RYR2: variants seen among roughly 807,000 people sequenced by gnomAD.
RYR2 encodes the protein cardiac muscle ryanodine receptor-calcium release channel.
RYR2 carries 227 observed loss-of-function variants against 601.1 expected under a neutral mutation model. That is an observed-to-expected ratio of 0.38 (90% CI 0.34 to 0.42). The LOEUF (loss-of-function observed/expected upper bound fraction) is 0.42, where lower values mean the gene tolerates loss of function less well. Ranked by LOEUF, RYR2 falls within the 10% of genes least tolerant of loss-of-function variation. RYR2 has a pLI of 1.00. For synonymous variants in RYR2, 2,223 were observed against 2,175.1 expected, an observed-to-expected ratio of 1.02 and a Z score of -0.61; for missense variants, 4,646 against 6,156.5, an observed-to-expected ratio of 0.75 and a Z score of 8.21.
At chr1:237,783,541 T>C in intron 89 of RYR2, 134 bp from the exon 90 acceptor site, 1 of 606,094 alleles carries the variant, frequency 1.6e-6, no homozygotes, top group Non-Finnish European at 2.9e-6. Flanking sequence ...TAAATAATTA[T>C]CTTTTTATAG....
intron 1 of RYR2, among the ~76,000 whole-genome samples, chr1:237,135,531 AAT>A (rs1491392875): frequency 9.1e-5 from 5 of 55,136 alleles, no homozygotes; most frequent in Non-Finnish European, 1.5e-4. Flanking sequence ...CACCACACCT[AAT>A]TTTTTTTTTT....
chr1:237,608,311 A>T (rs190217405), intron 35 of RYR2, among the ~76,000 whole-genome samples: 13 of 152,322 alleles, frequency 8.5e-5, no homozygotes, highest in Admixed American at 5.9e-4. Flanking sequence ...CTAACAGCGG[A>T]TGCCGTAGAT....
chr1:237,313,240 T>G (rs1349623877), intron 2 of RYR2, among the ~76,000 whole-genome samples: 1 of 150,886 alleles, frequency 6.6e-6, no homozygotes, highest in Admixed American at 6.6e-5. Context: ...TGTCGTAGGC[T>G]GAATTATCCT....
At chr1:237,450,614 A>C (rs537997457) in intron 14 of RYR2, among the ~76,000 whole-genome samples, 1 of 152,086 alleles carries the variant, frequency 6.6e-6, no homozygotes, top group Admixed American at 6.6e-5. Context: ...TGTAACTCAC[A>C]TCTAGTTGAC....
intron 16 of RYR2, among the ~76,000 whole-genome samples, chr1:237,460,764 G>C (rs977358891): frequency 9.9e-5 from 15 of 152,054 alleles, no homozygotes; most frequent in African/African-American, 3.1e-4. Context: ...ATAGCAAGTG[G>C]CATCTATTGT....
chr1:237,044,185 GTTT>G (rs4006365), intron 1 of RYR2, among the ~76,000 whole-genome samples: 4,082 of 150,438 alleles, frequency 0.027, 205 homozygotes, highest in East Asian at 0.23. Context: ...GACTATAAGG[GTTT>G]TTTTTTTTTT....
At chr1:237,607,306 C>T (rs528004467) in intron 35 of RYR2, among the ~76,000 whole-genome samples, 3 of 152,124 alleles carry the variant, frequency 2.0e-5, no homozygotes, top group Admixed American at 2.0e-4. Context: ...CCACAATTCT[C>T]AGCAAACTAT....
chr1:237,051,905 G>C (rs1480690275), intron 1 of RYR2, among the ~76,000 whole-genome samples: 1 of 152,086 alleles, frequency 6.6e-6, no homozygotes, highest in Non-Finnish European at 1.5e-5. Context: ...GGGAAACTTG[G>C]TGCCCTGCTT....
chr1:237,683,009 A>T (rs979116123), intron 62 of RYR2, among the ~76,000 whole-genome samples: 1 of 152,224 alleles, frequency 6.6e-6, no homozygotes, highest in Non-Finnish European at 1.5e-5. Context: ...GATGGAGATG[A>T]GTATAATACT....
chr1:237,118,023 GGC>G (rs1670332632), intron 1 of RYR2, among the ~76,000 whole-genome samples: 1 of 152,188 alleles, frequency 6.6e-6, no homozygotes, highest in African/African-American at 2.4e-5. Context: ...TGGGATTACA[GGC>G]GTGAGCCACT....
chr1:237,290,895 G>GA (rs1333572001), intron 2 of RYR2, among the ~76,000 whole-genome samples: 2 of 152,144 alleles, frequency 1.3e-5, no homozygotes, highest in Admixed American at 1.3e-4. Flanking sequence ...AAAAGATGTT[G>GA]AAGATTATTA....
intron 3 of RYR2, among the ~76,000 whole-genome samples, chr1:237,332,085 C>T (rs1696800439): frequency 6.6e-6 from 1 of 151,854 alleles, no homozygotes; most frequent in East Asian, 1.9e-4. Flanking sequence ...TTTTATTTTG[C>T]CATTATTGAT....
At chr1:237,389,847 A>T (rs1702235969) in intron 10 of RYR2, among the ~76,000 whole-genome samples, 1 of 152,160 alleles carries the variant, frequency 6.6e-6, no homozygotes, top group Non-Finnish European at 1.5e-5. Context: ...GCAAATTCTA[A>T]GTGTAAGGGG....
intron 24 of RYR2, among the ~76,000 whole-genome samples, chr1:237,522,723 C>T (rs1056685702): frequency 1.3e-5 from 2 of 152,082 alleles, no homozygotes; most frequent in African/African-American, 4.8e-5. Flanking sequence ...TTTTACATAC[C>T]AAATGCCTAC....
intron 1 of RYR2, among the ~76,000 whole-genome samples, chr1:237,269,004 A>G (rs922866054): frequency 6.6e-5 from 10 of 150,576 alleles, no homozygotes; most frequent in African/African-American, 2.4e-4. Flanking sequence ...TTTTAAATAC[A>G]AATTAGAGTG....
At position 237,784,152 on chromosome 1, in the gene RYR2, G is replaced by A. The variant is rs1695358262; in HGVS notation, c.12440G>A (p.Arg4147Lys). The A allele has an allele frequency of 6.2e-7, 1 of 1,613,862 alleles. No homozygotes were observed. The highest frequency in any genetic ancestry group is 1.7e-5 in the Admixed American group (1 of 59,992). ...ATGGGAAGCGCCAAACGCATCGAGAGGGTCTATTTTGAAATCAGTGAGTCC... is the reference window on the plus strand; with the variant it reads ...ATGGGAAGCGCCAAACGCATCGAGAAGGTCTATTTTGAAATCAGTGAGTCC... The part of the protein sequence containing the change: ...EIMGSAKRIE[R>K]VYFEISESSR... Residue 4147 changes from arginine (R) to lysine (K), a missense_variant, in exon 90 of 105, where the codon AGG becomes AAG. Around this residue, in one of 17 missense-constraint regions of RYR2, gnomAD observed 70 missense variants for 164.6 expected, o/e 0.43. Coordinates refer to ENST00000366574, the MANE Select transcript of RYR2 (RefSeq NM_001035.3). The surrounding 1 kb of genome is among the most constrained non-coding windows in gnomAD (Gnocchi z 7.1).
chr1:237,605,692 T>G (rs1048851929), intron 35 of RYR2, among the ~76,000 whole-genome samples: 1 of 151,908 alleles, frequency 6.6e-6, no homozygotes, highest in African/African-American at 2.4e-5. Flanking sequence ...CAAAATCTCC[T>G]TAAGCTGATA....
intron 79 of RYR2, among the ~76,000 whole-genome samples, chr1:237,735,921 T>G (rs1691101190): frequency 6.6e-6 from 1 of 152,198 alleles, no homozygotes; most frequent in Non-Finnish European, 1.5e-5. Context: ...ACTCCATGGA[T>G]TCAGAACCAA....
chr1:237,321,224 T>C (rs1320570148), intron 2 of RYR2, among the ~76,000 whole-genome samples: 1 of 135,758 alleles, frequency 7.4e-6, no homozygotes, highest in Non-Finnish European at 1.7e-5. Context: ...AAGAGGACCC[T>C]TAAAAAGTGA....
Sources: allele counts gnomAD v4.1 joint callset (sites outside exome capture counted in the v4.1 genomes callset), GRCh38; gene constraint gnomAD v4.1.1; regional missense constraint gnomAD v4.1.1; non-coding constraint Gnocchi (gnomAD v3.1); transcripts MANE v1.5; gene names NCBI Gene and HGNC (gene_info 2026-07-23, HGNC 2026-07-21).